RTEL1: variants seen among roughly 807,000 people sequenced by gnomAD.
The protein encoded by RTEL1 is regulator of telomere length.
A neutral mutation model predicts 162.2 loss-of-function variants in RTEL1; 86 were observed. That is an observed-to-expected ratio of 0.53 (90% CI 0.45 to 0.63). The LOEUF (loss-of-function observed/expected upper bound fraction) is 0.63. RTEL1 is among the 30% of genes least tolerant of loss of function. The pLI, the probability that RTEL1 is intolerant of heterozygous loss-of-function variation, is 0.00. For missense variants in RTEL1, 1,941 were observed against 1,750.2 expected, an observed-to-expected ratio of 1.11 and a Z score of -1.95; for synonymous variants, 958 against 717.9, an observed-to-expected ratio of 1.33 and a Z score of -5.35.
At chr20:63,688,090 G>A in intron 18 of RTEL1, 40 bp downstream of exon 18, 4 of 1,612,074 alleles carry the variant, frequency 2.5e-6, no homozygotes, top group South Asian at 1.1e-5. Context: ...GTGGGAGGTG[G>A]GGGAGCACTG....
intron 6 of RTEL1, among the ~76,000 whole-genome samples, chr20:63,664,256 C>T (rs948232177): frequency 1.3e-5 from 2 of 152,208 alleles, no homozygotes; most frequent in Admixed American, 1.3e-4. Flanking sequence ...GCGTCATTTC[C>T]GAGGTCCTCA....
chr20:63,692,019 G>A (rs990180472), intron 28 of RTEL1, 182 bp downstream of exon 28: 5 of 564,694 alleles, frequency 8.9e-6, no homozygotes, highest in Admixed American at 3.1e-5. Flanking sequence ...TTCTGCAGGG[G>A]GCTCATGAGT....
Position 63,672,546 on chromosome 20 carries a change from C to G in RTEL1, c.700-10C>G, listed in dbSNP as rs1477756577. 6.4e-7 allele frequency: 1 copy of G among 1,571,228 alleles called. No homozygotes were observed. On this transcript the variant is annotated splice_polypyrimidine_tract_variant and intron_variant, in intron 8 of 34. Transcript: ENST00000360203. Reference sequence around the variant, plus strand: ...GCTCCAGCGCTGCGTCCCTTCTCTTCCTCCTGTAGAGCCGCAGAGCACACA... The same window carrying G: ...GCTCCAGCGCTGCGTCCCTTCTCTTGCTCCTGTAGAGCCGCAGAGCACACA...
Position 63,675,735 on chromosome 20 carries a change from C to T in RTEL1, c.919+1642C>T, listed in dbSNP as rs187440667. On this transcript the variant is annotated intron_variant, in intron 10 of 34. Transcript: ENST00000360203. ...GGGAAGGGGTTCCTGGGACTTTGAA[C>T]GCTCCACCTCCCTCCTCTCCACAGT... Among the ~76,000 whole-genome samples, 445 of 152,222 alleles carry T rather than the reference C, an allele frequency of 2.9e-3. 1 individual carries two copies. The highest frequency in any genetic ancestry group is 0.01 in the African/African-American group (423 of 41,546).
chr20:63,663,215 C>T (rs1046010213), intron 6 of RTEL1, among the ~76,000 whole-genome samples: 1 of 152,240 alleles, frequency 6.6e-6, no homozygotes, highest in Non-Finnish European at 1.5e-5. Flanking sequence ...TTTTGCTGAA[C>T]ACCGGCTTTC....
At chr20:63,673,640 C>T (rs571689397) in intron 9 of RTEL1, among the ~76,000 whole-genome samples, 86 of 152,168 alleles carry the variant, frequency 5.7e-4, no homozygotes, top group South Asian at 1.5e-3. Context: ...GGTTTCCCAG[C>T]GTTGCCCAGG....
chr20:63,680,878 C>G (rs1601141308), intron 14 of RTEL1, 159 bp downstream of exon 14: 1 of 979,782 alleles, frequency 1.0e-6, no homozygotes, highest in East Asian at 1.1e-4. Flanking sequence ...TTCCAGTGCC[C>G]TAAACCCACA....
Position 63,685,964 on chromosome 20 carries a change from C to T in RTEL1, c.1348+92C>T, listed in dbSNP as rs1247603277. The T allele has an allele frequency of 6.4e-6, 8 of 1,251,026 alleles. No homozygotes were observed. The South Asian group carries it at 7.7e-5, about 12-fold the overall frequency. The allele number at this position is 1,251,026 out of a possible 1,614,324, so 77.5% of individuals were successfully genotyped here. On this transcript the variant is annotated intron_variant, in intron 16 of 34. Coordinates refer to ENST00000360203, the MANE Select transcript of RTEL1 (RefSeq NM_001283009.2). ...GCTAGGCACATGCCCAGCCGTGGAT[C>T]TCCTGCCCCCATGGGCCTGGCCACC...
chr20:63,684,261 TC>T (rs1329169859), intron 14 of RTEL1, among the ~76,000 whole-genome samples: 1 of 152,154 alleles, frequency 6.6e-6, no homozygotes, highest in African/African-American at 2.4e-5. Context: ...CGGCTCGGCT[TC>T]CCCCAACTCC....
Position 63,692,883 on chromosome 20 carries a change from A to G in RTEL1, c.2731A>G (p.Asn911Asp). The change falls in exon 29 of 35, where the codon AAC becomes GAC. Residue 911 changes from asparagine (N) to aspartate (D), a missense_variant. Asn to Asp is a conservative substitution (Grantham distance 23). Transcript: ENST00000360203. Reference sequence around the variant, plus strand: ...CGTGAAGCAGGAGTTGAGCCAAGCCAACTTTGCCACCTTCACCCAGGCCCT... The same window carrying G: ...CGTGAAGCAGGAGTTGAGCCAAGCCGACTTTGCCACCTTCACCCAGGCCCT... ...VAVKQELSQA[N>D]FATFTQALQD... The G allele has an allele frequency of 6.2e-7, 1 of 1,612,594 alleles. No individual in the cohort carries two copies. Among genetic ancestry groups the G allele is most frequent in the Non-Finnish European group, 8.5e-7 (1 of 1,179,842 alleles).
intron 5 of RTEL1, 76 bp from the exon 6 acceptor site, chr20:63,662,753 C>T: frequency 1.9e-6 from 3 of 1,597,486 alleles, no homozygotes; most frequent in Non-Finnish European, 2.6e-6. Context: ...CAGGGGAGGA[C>T]CTGGTGGGGG....
Position 63,678,591 on chromosome 20 carries a change from GCA to G in RTEL1, c.1037+253_1037+254del, listed in dbSNP as rs564284521. On this transcript the variant is annotated intron_variant, in intron 12 of 34. Coordinates refer to ENST00000360203, the MANE Select transcript of RTEL1 (RefSeq NM_001283009.2). ...GAACGGCACACACACCCATGGAACA[GCA>G]CACACACTCCCACGAACAGCACACA... Among the ~76,000 whole-genome samples the G allele has an allele frequency of 1.1e-4, 16 of 146,716 alleles. No homozygotes were observed. In the South Asian group the frequency reaches 2.2e-3, roughly 20 times the overall value.
chr20:63,678,089 G>A lies in RTEL1; in HGVS notation c.920-56G>A, dbSNP rs549754135. 41 of 1,603,436 alleles carry A rather than the reference G, an allele frequency of 2.6e-5. No homozygotes were observed. In the East Asian group the frequency reaches 2.9e-4, roughly 11 times the overall value. On this transcript the variant is annotated intron_variant, in intron 10 of 34. Transcript: ENST00000360203. ...GCCAGGAATCCTGGTTCTCAAGGGCGGGGTTGTTGGCACGAGCGTGATGCA... is the reference window on the plus strand; with the variant it reads ...GCCAGGAATCCTGGTTCTCAAGGGCAGGGTTGTTGGCACGAGCGTGATGCA...
intron 14 of RTEL1, among the ~76,000 whole-genome samples, chr20:63,683,628 A>T (rs894819425): frequency 6.6e-6 from 1 of 152,126 alleles, no homozygotes; most frequent in Non-Finnish European, 1.5e-5. Context: ...TCTGTGAATG[A>T]TTCCGGCTTC....
intron 28 of RTEL1, 172 bp from the exon 29 acceptor site, chr20:63,692,633 T>G (rs1160612918): frequency 1.6e-5 from 10 of 643,220 alleles, no homozygotes; most frequent in Non-Finnish European, 2.7e-5. Context: ...CCCACAGCTT[T>G]CTTCCCGCAG....
In RTEL1 at chr20:63,695,130, C is replaced by A. The variant is rs752386852; in HGVS notation, c.3408C>A (p.Thr1136=). 1 of 1,612,364 alleles carries A rather than the reference C, an allele frequency of 6.2e-7. No individual in the cohort carries two copies. ...QRFSQTCTDL[T]GRPYPGMEPP... is the part of the protein sequence containing the mutation. ...TCTCACAGACGTGCACAGACCTGAC[C>A]GGCCGGCCCTACCCGGGCATGGAGC... Residue 1136 remains threonine, a synonymous_variant, in exon 33 of 35, where the codon ACC becomes ACA. Transcript: ENST00000360203.
chr20:63,685,336 C>T (rs1488644714), intron 14 of RTEL1, among the ~76,000 whole-genome samples, 187 bp from the exon 15 acceptor site: 2 of 152,142 alleles, frequency 1.3e-5, no homozygotes, highest in African/African-American at 4.8e-5. Context: ...ACCGGGGGTC[C>T]CTGCAGGGAG....
chr20:63,681,980 C>T (rs1056984226), intron 14 of RTEL1: 17 of 985,328 alleles, frequency 1.7e-5, no homozygotes, highest in East Asian at 1.1e-4. Flanking sequence ...ACCTATCAGG[C>T]GGACCTGCTT....
intron 11 of RTEL1, 37 bp from the exon 12 acceptor site, chr20:63,678,231 C>T: frequency 6.2e-7 from 1 of 1,612,830 alleles, no homozygotes; most frequent in Non-Finnish European, 8.5e-7. Flanking sequence ...GGGCCTCCTC[C>T]TTGCGAGGAG....
Sources: gnomAD v4.1 joint callset for allele counts (sites outside exome capture counted in the v4.1 genomes callset) on GRCh38, gnomAD v4.1.1 for gene constraint, MANE v1.5 for transcripts, NCBI Gene and HGNC (gene_info 2026-07-23, HGNC 2026-07-21) for gene names.